DSCAML1: variants seen among roughly 807,000 people sequenced by gnomAD.
The protein encoded by DSCAML1 is cell adhesion molecule DSCAML1.
Under a neutral mutation model 200.5 loss-of-function variants are expected in DSCAML1, and 38 were observed. The observed-to-expected ratio is 0.19, with a 90% CI of 0.15 to 0.25. DSCAML1 has a LOEUF of 0.25. DSCAML1 is among the 10% of genes least tolerant of loss of function. DSCAML1 has a pLI of 1.00. For synonymous variants in DSCAML1, 1,215 were observed against 1,165.0 expected, an observed-to-expected ratio of 1.04 and a Z score of -0.87; for missense variants, 2,223 against 2,858.8, an observed-to-expected ratio of 0.78 and a Z score of 5.07.
At chr11:117,523,928 G>T (rs531222346) in intron 5 of DSCAML1, among the ~76,000 whole-genome samples, 1 of 152,346 alleles carries the variant, frequency 6.6e-6, no homozygotes, top group Non-Finnish European at 1.5e-5. Context: ...CCCCACTGCA[G>T]CCTAGAGAGC....
rs533417401 is a variant in DSCAML1 at position 117,435,581 on chromosome 11, G to A, written c.4876+63C>T. The A allele has an allele frequency of 7.9e-6, 12 of 1,525,074 alleles. No homozygotes were observed. In the Admixed American group the frequency reaches 9.1e-5, roughly 12 times the overall value. The allele number at this position is 1,525,074 out of a possible 1,614,324, so 94.5% of individuals were successfully genotyped here. ...AGATGGTGCTGTGAGCCAGGGAAGG[G>A]GGGGGACAATGTGGCTGAGAGCCAA... On this transcript the variant is annotated intron_variant, in intron 27 of 32. Transcript: ENST00000651296.
At chr11:117,670,735 C>G (rs999384688) in intron 3 of DSCAML1, among the ~76,000 whole-genome samples, 2 of 152,304 alleles carry the variant, frequency 1.3e-5, no homozygotes, top group Non-Finnish European at 1.5e-5. Flanking sequence ...ACGTTTCATC[C>G]TTACTTCTAT....
intron 11 of DSCAML1, among the ~76,000 whole-genome samples, chr11:117,496,264 T>G (rs2049287092): frequency 6.6e-6 from 1 of 152,210 alleles, no homozygotes; most frequent in East Asian, 1.9e-4. Context: ...TGCTTCAATC[T>G]TGCCTTTCTC....
intron 8 of DSCAML1, among the ~76,000 whole-genome samples, chr11:117,506,039 G>C (rs771375169): frequency 6.6e-6 from 1 of 152,162 alleles, no homozygotes; most frequent in African/African-American, 2.4e-5. Flanking sequence ...TTTCCCTCCA[G>C]CTTCCCTGCT....
intron 18 of DSCAML1, among the ~76,000 whole-genome samples, chr11:117,461,123 C>T (rs1371059017): frequency 6.6e-6 from 1 of 152,062 alleles, no homozygotes; most frequent in East Asian, 1.9e-4. Flanking sequence ...CTTCCCCAAA[C>T]ACACACTGTT....
chr11:117,599,928 G>A (rs1040528023), intron 3 of DSCAML1, among the ~76,000 whole-genome samples: 2 of 152,204 alleles, frequency 1.3e-5, no homozygotes, highest in African/African-American at 2.4e-5. Flanking sequence ...AGGTGGAAGA[G>A]CACAGTGGAA....
At chr11:117,764,948 T>G (rs1468195812) in intron 3 of DSCAML1, among the ~76,000 whole-genome samples, 1 of 152,216 alleles carries the variant, frequency 6.6e-6, no homozygotes, top group African/African-American at 2.4e-5. Flanking sequence ...TCCACCCACA[T>G]GCACGGCCGC....
chr11:117,506,895 A>G (rs2049510369), intron 8 of DSCAML1, among the ~76,000 whole-genome samples: 1 of 152,146 alleles, frequency 6.6e-6, no homozygotes, highest in Admixed American at 6.5e-5. Flanking sequence ...GGCAGGAAAG[A>G]GCAGAGAGGA....
At chr11:117,523,519 G>A (rs1365096602) in intron 5 of DSCAML1, among the ~76,000 whole-genome samples, 1 of 152,144 alleles carries the variant, frequency 6.6e-6, no homozygotes, top group African/African-American at 2.4e-5. Flanking sequence ...AGCATTTCTT[G>A]GGGCTCTTTC....
chr11:117,667,139 C>T (rs541802341), intron 3 of DSCAML1, among the ~76,000 whole-genome samples: 2 of 152,232 alleles, frequency 1.3e-5, no homozygotes, highest in Middle Eastern at 3.4e-3. Flanking sequence ...TGGTTGGGCA[C>T]GATGGCTCAC....
intron 11 of DSCAML1, among the ~76,000 whole-genome samples, chr11:117,502,387 GTGCCTGCTCTTCC>G (rs1441290630): frequency 6.6e-6 from 1 of 152,214 alleles, no homozygotes; most frequent in African/African-American, 2.4e-5. Context: ...GGTTGCAGAG[GTGCCTGCTCTTCC>G]CCCGCCTCGC....
At chr11:117,457,359 G>A (rs577316743) in intron 19 of DSCAML1, among the ~76,000 whole-genome samples, 1 of 152,292 alleles carries the variant, frequency 6.6e-6, no homozygotes, top group East Asian at 1.9e-4. Flanking sequence ...AGTTAAACAG[G>A]TGGAGGTGCT....
rs376464296 is a variant in DSCAML1 at position 117,601,016 on chromosome 11, AT to A, written c.512-68495del. Among the ~76,000 whole-genome samples, 6 of 152,232 alleles carry A rather than the reference AT, an allele frequency of 3.9e-5. No individual in the cohort carries two copies. In the East Asian group the frequency reaches 1.2e-3, roughly 29 times the overall value. ...GAGTAGTTCCCACCTCCTCAGCTGGATTTATCGAACAAGATTATCCCTTGAA... is the reference window on the plus strand; with the variant it reads ...GAGTAGTTCCCACCTCCTCAGCTGGATTATCGAACAAGATTATCCCTTGAA... On this transcript the variant is annotated intron_variant, in intron 3 of 32. Coordinates refer to ENST00000651296, the MANE Select transcript of DSCAML1 (RefSeq NM_020693.4).
At chr11:117,473,882 G>A (rs1051969626) in intron 14 of DSCAML1, among the ~76,000 whole-genome samples, 8 of 152,136 alleles carry the variant, frequency 5.3e-5, no homozygotes, top group Admixed American at 3.3e-4. Flanking sequence ...TTGCTTGTGG[G>A]TTTGGGACAG....
At chr11:117,575,873 A>AAAAC (rs761016459) in intron 3 of DSCAML1, among the ~76,000 whole-genome samples, 15 of 141,136 alleles carry the variant, frequency 1.1e-4, no homozygotes, top group African/African-American at 3.9e-4. Context: ...AAAACAAAAC[A>AAAAC]AAACAAAACA....
chr11:117,512,283 C>T (rs1215513278), intron 8 of DSCAML1, among the ~76,000 whole-genome samples: 2 of 152,248 alleles, frequency 1.3e-5, no homozygotes, highest in East Asian at 3.9e-4. Flanking sequence ...CAGGCCCACA[C>T]CCTTCTCCCC....
At chr11:117,620,707 G>A (rs1022228341) in intron 3 of DSCAML1, among the ~76,000 whole-genome samples, 5 of 152,212 alleles carry the variant, frequency 3.3e-5, no homozygotes, top group Non-Finnish European at 7.3e-5. Context: ...GGGGCAAGTG[G>A]AGATCAAACA....
intron 3 of DSCAML1, among the ~76,000 whole-genome samples, chr11:117,573,953 G>A (rs1021839114): frequency 2.0e-5 from 3 of 152,176 alleles, no homozygotes; most frequent in Admixed American, 1.3e-4. Flanking sequence ...GGATGTTCAC[G>A]AGGCCAAGGC....
At position 117,428,567 on chromosome 11, in the gene DSCAML1, C is replaced by T. The variant is rs930221363; in HGVS notation, c.5923G>A (p.Ala1975Thr). The T allele has an allele frequency of 1.9e-6, 3 of 1,572,528 alleles. No homozygotes were observed. Among genetic ancestry groups the T allele is most frequent in the Non-Finnish European group, 2.6e-6 (3 of 1,159,586 alleles). The change falls in exon 33 of 33, where the codon GCC (alanine) becomes ACC (threonine). Residue 1975 changes from alanine to threonine, a missense_variant. Physicochemically the swap from Ala to Thr is moderately conservative, Grantham distance 58. This residue lies in a region of DSCAML1 where 280 missense variants were observed against 213.4 expected (regional missense o/e 1.31). Coordinates refer to ENST00000651296, the MANE Select transcript of DSCAML1 (RefSeq NM_020693.4). ...GTGCCGGCTGGGGGGGCTGGCATGG[C>T]CAGAGTCCTCTGAGGTAAGGTGGCT... ...STATLPQRTL[A>T]MPAPPAGTAP... is the part of the protein sequence containing the mutation.
Sources: allele counts gnomAD v4.1 joint callset (sites outside exome capture counted in the v4.1 genomes callset), GRCh38; gene constraint gnomAD v4.1.1; regional missense constraint gnomAD v4.1.1; transcripts MANE v1.5; gene names NCBI Gene and HGNC (gene_info 2026-07-23, HGNC 2026-07-21).